OR5V1: variants seen among roughly 807,000 people sequenced by gnomAD.
The protein encoded by OR5V1 is olfactory receptor family 5 subfamily V member 1.
For synonymous variants in OR5V1, 134 were observed against 143.2 expected (o/e 0.94, Z 0.46); for missense variants, 365 against 371.5 (o/e 0.98, Z 0.14).
Position 29,355,350 on chromosome 6 carries a change from G to T in OR5V1, c.846C>A (p.Thr282=). 3 of 1,613,944 alleles carry T rather than the reference G, an allele frequency of 1.9e-6. No homozygotes were observed. Among genetic ancestry groups the T allele is most frequent in the South Asian group, 1.1e-5 (1 of 91,068 alleles). Residue 282 remains threonine, a synonymous_variant, in exon 2 of 2, where the codon ACC becomes ACA. Transcript: ENST00000641768. ...TGTAAATTATAGGGTTTAGCATGGG[G>T]GTAACAACACTGTACAACACTGAAA... ...RLVSVLYSVV[T]PMLNPIIYTL...
rs769241870 is a variant in OR5V1 at position 29,356,020 on chromosome 6, A to G, written c.176T>C (p.Met59Thr). The G allele has an allele frequency of 1.2e-6, 2 of 1,614,072 alleles. No homozygotes were observed. The highest frequency in any genetic ancestry group is 8.5e-7 in the Non-Finnish European group (1 of 1,179,956). ...TVTDPHLHTP[M>T]YYFLGNLAFI... ...GGCCAAGTTCCCTAGAAAATAATAC[A>G]TAGGTGTATGCAGGTGTGGATCAGT... is the stretch of plus-strand genomic sequence containing the variant. The change falls in exon 2 of 2, where the codon ATG becomes ACG. Residue 59 changes from methionine to threonine, a missense_variant. Coordinates refer to ENST00000641768, the MANE Select transcript of OR5V1 (RefSeq NM_030876.6).
At chr6:29,358,959 T>A (rs1475720554) in intron 1 of OR5V1, among the ~76,000 whole-genome samples, 4 of 152,194 alleles carry the variant, frequency 2.6e-5, no homozygotes, top group Admixed American at 2.6e-4. Context: ...CCCCACAAAG[T>A]AATGATAAGT....
intron 1 of OR5V1, among the ~76,000 whole-genome samples, chr6:29,365,575 A>C (rs1188026985): frequency 1.3e-5 from 2 of 152,236 alleles, no homozygotes; most frequent in Non-Finnish European, 2.9e-5. Flanking sequence ...ATGGGTCATT[A>C]TAGAAATGCA....
intron 1 of OR5V1, among the ~76,000 whole-genome samples, chr6:29,365,558 C>G (rs998062558): frequency 2.0e-5 from 3 of 152,146 alleles, no homozygotes; most frequent in Admixed American, 6.5e-5. Flanking sequence ...AAAAAAAGCT[C>G]ATCATCATGG....
chr6:29,355,070 T>C lies in OR5V1; in HGVS notation c.*160A>G, dbSNP rs1778185913. On this transcript the variant is annotated 3_prime_UTR_variant, in exon 2 of 2. Transcript: ENST00000641768. ...AAGAGAGCAACATTGATATCTCTCA[T>C]AGAACTAACTAAAGCTCAAGAATAA... The C allele has an allele frequency of 1.7e-6, 1 of 601,884 alleles. No individual in the cohort carries two copies. Among genetic ancestry groups the C allele is most frequent in the Admixed American group, 3.5e-5 (1 of 28,446 alleles). 37.3% of individuals were successfully genotyped at this position (601,884 alleles called of 1,614,324 possible). A position where few individuals can be genotyped will look rare whatever the true frequency, so the allele number is the denominator to read the frequency against.
chr6:29,361,506 GA>G, intron 1 of OR5V1, among the ~76,000 whole-genome samples: 1 of 152,050 alleles, frequency 6.6e-6, no homozygotes, highest in South Asian at 2.1e-4. Flanking sequence ...CGAAATGAAA[GA>G]AAAAATGTTA....
At chr6:29,368,034 TTTTCATTTCC>T (rs1778939608) in intron 1 of OR5V1, among the ~76,000 whole-genome samples, 1 of 152,132 alleles carries the variant, frequency 6.6e-6, no homozygotes, top group Non-Finnish European at 1.5e-5. Context: ...AGTCTTGACT[TTTTCATTTCC>T]TTCTAACAGA....
At position 29,356,239 on chromosome 6, in the gene OR5V1, C is replaced by T; in HGVS notation, c.-44G>A. The T allele has an allele frequency of 6.6e-7, 1 of 1,525,546 alleles. No homozygotes were observed. The highest frequency in any genetic ancestry group is 8.8e-7 in the Non-Finnish European group (1 of 1,142,690). 94.5% of individuals were successfully genotyped at this position (1,525,546 alleles called of 1,614,324 possible). A position where few individuals can be genotyped will look rare whatever the true frequency, so the allele number is the denominator to read the frequency against. ...TTCAGGAATTGGGCAAAGAGAAGACCAGATTATAAAAATGAATCATATGCT... is the reference window on the plus strand; with the variant it reads ...TTCAGGAATTGGGCAAAGAGAAGACTAGATTATAAAAATGAATCATATGCT... On this transcript the variant is annotated 5_prime_UTR_variant, in exon 2 of 2. Coordinates refer to ENST00000641768, the MANE Select transcript of OR5V1 (RefSeq NM_030876.6).
At chr6:29,362,167 G>A (rs886622302) in intron 1 of OR5V1, among the ~76,000 whole-genome samples, 10 of 151,820 alleles carry the variant, frequency 6.6e-5, no homozygotes, top group African/African-American at 1.7e-4. Context: ...AATTTAAACC[G>A]ACAGAGATCA....
Position 29,355,978 on chromosome 6 carries a change from T to C in OR5V1, c.218A>G (p.Tyr73Cys). 1 of 1,614,038 alleles carries C rather than the reference T, an allele frequency of 6.2e-7. No homozygotes were observed. The highest frequency in any genetic ancestry group is 8.5e-7 in the Non-Finnish European group (1 of 1,179,946). The change falls in exon 2 of 2, where the codon TAC (tyrosine) becomes TGC (cysteine). Residue 73 changes from tyrosine (Y) to cysteine (C), a missense_variant. Tyr to Cys is a radical substitution (Grantham distance 194). Transcript: ENST00000641768. ...LGNLAFIDIC[Y>C]TTSNVPQMMV... The stretch of plus-strand genomic sequence containing the variant: ...CATCTGGGGGACATTGCTGGTGGTG[T>C]AGCAGATGTCAATAAAGGCCAAGTT...
intron 1 of OR5V1, 62 bp from the exon 2 acceptor site, chr6:29,356,339 G>A (rs1778309262): frequency 1.1e-6 from 1 of 937,312 alleles, no homozygotes; most frequent in Non-Finnish European, 1.5e-6. Flanking sequence ...TCAAACCAGA[G>A]AAGCAGCATT....
Position 29,354,772 on chromosome 6 carries a change from T to C in OR5V1, c.*458A>G, listed in dbSNP as rs1389966310. On this transcript the variant is annotated 3_prime_UTR_variant, in exon 2 of 2. Coordinates refer to ENST00000641768, the MANE Select transcript of OR5V1 (RefSeq NM_030876.6). ...ATCACTTTACTGTGTTTACATTTCT[T>C]AATCTATTGGTGATGATGTTTTATT... is the stretch of plus-strand genomic sequence containing the variant. 6.5e-6 allele frequency: 1 copy of C among 152,888 alleles called. No individual in the cohort carries two copies. The highest frequency in any genetic ancestry group is 1.5e-5 in the Non-Finnish European group (1 of 68,584). 9.5% of individuals were successfully genotyped at this position (152,888 alleles called of 1,614,324 possible).
chr6:29,364,300 CA>C (rs1363370121), intron 1 of OR5V1, among the ~76,000 whole-genome samples: 1 of 151,942 alleles, frequency 6.6e-6, no homozygotes, highest in Non-Finnish European at 1.5e-5. Context: ...AGAGAGGACA[CA>C]AATGAAGAGA....
At position 29,365,025 on chromosome 6, in the gene OR5V1, C is replaced by T. The variant is rs193260222; in HGVS notation, c.-83+3607G>A. ...GACAAACCTGAAAAAACCTGACAAA[C>T]CTGACAAAAACAAGCAATGGGGAAA... On this transcript the variant is annotated intron_variant, in intron 1 of 1. Transcript: ENST00000641768. Among the ~76,000 whole-genome samples the T allele has an allele frequency of 1.8e-4, 27 of 151,724 alleles. 1 individual carries two copies. Among genetic ancestry groups the T allele is most frequent in the Non-Finnish European group, 3.2e-4 (22 of 67,916 alleles).
At chr6:29,360,228 G>T (rs557027526) in intron 1 of OR5V1, among the ~76,000 whole-genome samples, 2 of 152,212 alleles carry the variant, frequency 1.3e-5, no homozygotes, top group Non-Finnish European at 2.9e-5. Flanking sequence ...CTCCTCACTG[G>T]GGAGGGCATC....
At chr6:29,358,500 A>C (rs748523423) in intron 1 of OR5V1, among the ~76,000 whole-genome samples, 11 of 152,230 alleles carry the variant, frequency 7.2e-5, no homozygotes, top group Non-Finnish European at 1.0e-4. Context: ...TCAAAGAGAT[A>C]TCTGCACTCC....
intron 1 of OR5V1, among the ~76,000 whole-genome samples, chr6:29,360,443 T>A (rs1778513606): frequency 6.6e-6 from 1 of 152,190 alleles, no homozygotes; most frequent in Non-Finnish European, 1.5e-5. Context: ...AGGGACAGAC[T>A]GCCTCTGCCA....
In OR5V1 at chr6:29,356,059, A is replaced by C. The variant is rs773747215; in HGVS notation, c.137T>G (p.Ile46Ser). The change falls in exon 2 of 2, where the codon ATC becomes AGC. Residue 46 changes from isoleucine to serine, a missense_variant. Transcript: ENST00000641768. ...GTGTGGATCAGTCACAGTCGTCAAG[A>C]TAATTAATATATTTCCTCCCAAAGT... ...FCTLGGNILI[I>S]LTTVTDPHLH... is the part of the protein sequence containing the mutation. 1 of 1,613,992 alleles carries C rather than the reference A, an allele frequency of 6.2e-7. No homozygotes were observed.
chr6:29,362,112 A>G (rs1778591506), intron 1 of OR5V1, among the ~76,000 whole-genome samples: 1 of 151,900 alleles, frequency 6.6e-6, no homozygotes, highest in Non-Finnish European at 1.5e-5. Flanking sequence ...AAATGGAAAG[A>G]GAAAAAAAAA....
Sources: allele counts gnomAD v4.1 joint callset (sites outside exome capture counted in the v4.1 genomes callset), GRCh38; gene constraint gnomAD v4.1.1; transcripts MANE v1.5; gene names NCBI Gene and HGNC (gene_info 2026-07-23, HGNC 2026-07-21).